Variants in RABGAP1L observed in about 807,000 individuals in gnomAD.
RABGAP1L encodes rab GTPase-activating protein 1-like.
Under a neutral mutation model 137.7 loss-of-function variants are expected in RABGAP1L, and 63 were observed. The ratio of observed to expected loss-of-function variants is 0.46; its 90% CI spans 0.37 to 0.56. RABGAP1L has a LOEUF of 0.56. Ranked by LOEUF, RABGAP1L falls within the 20% of genes least tolerant of loss-of-function variation. The probability of loss-of-function intolerance (pLI) is 0.00; values close to 1 mark genes in which losing one functional copy is unlikely to be tolerated. For synonymous variants in RABGAP1L, 431 were observed against 433.7 expected (o/e 0.99, Z 0.08); for missense variants, 1,095 against 1,244.0 (o/e 0.88, Z 1.80).
intron 13 of RABGAP1L, among the ~76,000 whole-genome samples, chr1:174,529,260 G>A (rs377373213): frequency 4.6e-5 from 7 of 151,814 alleles, no homozygotes; most frequent in East Asian, 1.9e-4. Context: ...TATAACAGTC[G>A]CTTCTTTCAG....
At chr1:174,179,339 T>G (rs2148281284) in intron 1 of RABGAP1L, among the ~76,000 whole-genome samples, 1 of 152,312 alleles carries the variant, frequency 6.6e-6, no homozygotes, top group Admixed American at 6.5e-5. Flanking sequence ...AAAGTAAAAA[T>G]GGTACTCTGT....
chr1:174,476,109 A>G (rs1558266303), intron 13 of RABGAP1L, among the ~76,000 whole-genome samples: 3 of 152,170 alleles, frequency 2.0e-5, no homozygotes, highest in Admixed American at 6.5e-5. Flanking sequence ...CCATGCATTC[A>G]TGATACTTTA....
At chr1:174,821,320 G>T (rs1415218170) in intron 19 of RABGAP1L, among the ~76,000 whole-genome samples, 1 of 152,076 alleles carries the variant, frequency 6.6e-6, no homozygotes, top group Non-Finnish European at 1.5e-5. Context: ...CACCAAAATT[G>T]TCTTCCTACC....
intron 15 of RABGAP1L, among the ~76,000 whole-genome samples, chr1:174,687,243 G>A (rs1044446999): frequency 1.3e-4 from 20 of 152,212 alleles, no homozygotes; most frequent in African/African-American, 4.6e-4. Context: ...GCCACGTAGT[G>A]AGTCAGCCTT....
chr1:174,190,874 C>G (rs753111555), intron 1 of RABGAP1L, among the ~76,000 whole-genome samples: 3 of 152,102 alleles, frequency 2.0e-5, no homozygotes, highest in Non-Finnish European at 2.9e-5. Context: ...CACTTAGAAG[C>G]CATTGTAGCA....
intron 10 of RABGAP1L, among the ~76,000 whole-genome samples, chr1:174,299,360 T>C (rs1415112197): frequency 1.3e-5 from 2 of 152,232 alleles, no homozygotes; most frequent in Admixed American, 1.3e-4. Context: ...TCAGGAACTC[T>C]GTACAGGGAC....
chr1:174,395,996 G>T (rs1399809926), intron 13 of RABGAP1L, among the ~76,000 whole-genome samples: 1 of 152,018 alleles, frequency 6.6e-6, no homozygotes, highest in African/African-American at 2.4e-5. Context: ...ACAAAACCAT[G>T]AATCAAAAAA....
At chr1:174,383,087 C>G (rs1686330001) in intron 12 of RABGAP1L, among the ~76,000 whole-genome samples, 1 of 151,074 alleles carries the variant, frequency 6.6e-6, no homozygotes, top group African/African-American at 2.5e-5. Flanking sequence ...GGGGTGCCTC[C>G]CAGTTAGGCT....
intron 11 of RABGAP1L, among the ~76,000 whole-genome samples, chr1:174,352,600 T>C (rs946170698): frequency 2.0e-4 from 31 of 152,170 alleles, no homozygotes; most frequent in Admixed American, 2.0e-3. Context: ...CATTTGGGAG[T>C]TGATGATTTC....
chr1:174,772,564 T>G (rs1686202251), intron 18 of RABGAP1L, among the ~76,000 whole-genome samples: 1 of 62,012 alleles, frequency 1.6e-5, no homozygotes, highest in Non-Finnish European at 2.9e-5. Context: ...CAAGACTCCA[T>G]CTCAAAAAAA....
intron 18 of RABGAP1L, among the ~76,000 whole-genome samples, chr1:174,805,181 TTA>T (rs1445328075): frequency 6.6e-6 from 1 of 152,242 alleles, no homozygotes; most frequent in Non-Finnish European, 1.5e-5. Flanking sequence ...TCGATATCTA[TTA>T]TGTGTCAGGC....
intron 19 of RABGAP1L, among the ~76,000 whole-genome samples, chr1:174,813,980 C>T (rs746302139): frequency 3.9e-5 from 6 of 152,074 alleles, no homozygotes; most frequent in African/African-American, 7.2e-5. Context: ...CAAGGGAAAT[C>T]TCAGAGGATT....
chr1:174,217,218 A>G (rs564074298), intron 1 of RABGAP1L, among the ~76,000 whole-genome samples: 1 of 152,292 alleles, frequency 6.6e-6, no homozygotes, highest in South Asian at 2.1e-4. Flanking sequence ...TCGGGACTGG[A>G]AACAAGTTTG....
At chr1:174,767,018 CA>C (rs1685720809) in intron 18 of RABGAP1L, among the ~76,000 whole-genome samples, 4 of 152,178 alleles carry the variant, frequency 2.6e-5, no homozygotes, top group Admixed American at 2.6e-4. Context: ...CTTTTTCAAC[CA>C]ATTGCCAATA....
Position 174,786,794 on chromosome 1 carries a change from TC to T in RABGAP1L, c.2212-25034del, listed in dbSNP as rs1429014908. ...ATAAAAGAGACATATATGCTTATTA[TC>T]CCCTAGTTTAATATATATATTTTAA... On this transcript the variant is annotated intron_variant, in intron 18 of 25. Transcript: ENST00000681986. Among the ~76,000 whole-genome samples, 12 of 152,338 alleles carry T rather than the reference TC, an allele frequency of 7.9e-5. No individual in the cohort carries two copies. The East Asian group carries it at 2.3e-3, about 29-fold the overall frequency.
At chr1:174,944,191 C>CGCT (rs1666360373) in intron 19 of RABGAP1L, among the ~76,000 whole-genome samples, 1 of 148,996 alleles carries the variant, frequency 6.7e-6, no homozygotes, top group Non-Finnish European at 1.5e-5. Flanking sequence ...GCCGGAGAAT[C>CGCT]GCTTGAACCC....
intron 11 of RABGAP1L, among the ~76,000 whole-genome samples, chr1:174,336,502 A>G (rs772776224): frequency 6.6e-6 from 1 of 152,242 alleles, no homozygotes; most frequent in Non-Finnish European, 1.5e-5. Context: ...AGATAATCAT[A>G]TAGTGCTTAT....
At position 174,195,574 on chromosome 1, in the gene RABGAP1L, A is replaced by ATTCT. The variant is rs201213056; in HGVS notation, c.-33-23509_-33-23506dup. Among the ~76,000 whole-genome samples the ATTCT allele has an allele frequency of 6.6e-3, 490 of 74,448 alleles. 16 individuals are homozygous for ATTCT. The highest frequency in any genetic ancestry group is 8.0e-3 in the Non-Finnish European group (322 of 40,402). The allele number at this position is 74,448 out of a possible 152,430, so 48.8% of individuals were successfully genotyped here. ...TAACTTTGGGTAGGGTTCTTAATCAATTCTTTCTTTCTTTCTTTCTTTCTT... is the reference window on the plus strand; with the variant it reads ...TAACTTTGGGTAGGGTTCTTAATCAATTCTTTCTTTCTTTCTTTCTTTCTTTCTT... On this transcript the variant is annotated intron_variant, in intron 1 of 25. Coordinates refer to ENST00000681986, the MANE Select transcript of RABGAP1L (RefSeq NM_001366446.1).
chr1:174,868,385 G>A (rs942915247), intron 19 of RABGAP1L, among the ~76,000 whole-genome samples: 1 of 152,118 alleles, frequency 6.6e-6, no homozygotes, highest in Non-Finnish European at 1.5e-5. Flanking sequence ...AGCACAGTAG[G>A]TTTTAAATAT....
Sources: allele counts gnomAD v4.1 joint callset (sites outside exome capture counted in the v4.1 genomes callset), GRCh38; gene constraint gnomAD v4.1.1; transcripts MANE v1.5; gene names NCBI Gene and HGNC (gene_info 2026-07-23, HGNC 2026-07-21).